Variants in LAS1L observed in about 807,000 individuals in gnomAD.
LAS1L encodes the protein ribosomal biogenesis protein LAS1L.
Under a neutral mutation model 57.3 loss-of-function variants are expected in LAS1L, and 5 were observed. The observed-to-expected ratio is 0.09, with a 90% confidence interval of 0.05 to 0.18. The LOEUF (loss-of-function observed/expected upper bound fraction) is 0.18. Among genes scored for constraint, LAS1L ranks in the 10% least tolerant of loss-of-function variants. The probability of loss-of-function intolerance (pLI) is 1.00; values close to 1 mark genes in which losing one functional copy is unlikely to be tolerated. For missense variants in LAS1L, 360 were observed against 568.3 expected (o/e 0.63, Z 3.73); for synonymous variants, 245 against 231.7 (o/e 1.06, Z -0.52).
Position 65,518,291 on chromosome X carries a change from T to C in LAS1L, c.1623A>G (p.Pro541=). ...TLDSLYWSVK[P]ASSSFGSEAK... The stretch of plus-strand genomic sequence containing the variant: ...CTTCAGACCCGAAGCTGGAGCTGGC[T>C]GGCTTGACGCTCCAATACAGGCTGT... Residue 541 remains proline, a synonymous_variant, in exon 12 of 14, where the codon CCA becomes CCG. Transcript: ENST00000374811. 1 of 1,212,185 alleles carries C rather than the reference T, an allele frequency of 8.2e-7. No homozygotes were observed.
In LAS1L at chrX:65,529,189, C is replaced by G. The variant is rs56399692; in HGVS notation, c.846+23G>C. 3 of 1,184,012 alleles carry G rather than the reference C, an allele frequency of 2.5e-6. No individual in the cohort carries two copies. In the Admixed American group the frequency reaches 6.5e-5, roughly 26 times the overall value. ...AATGGCTGGGGCAGATGAGAGCACA[C>G]CAAGTCCAGGGCACTTTCTTACCGT... is the stretch of plus-strand genomic sequence containing the variant. On this transcript the variant is annotated intron_variant, in intron 6 of 13. Transcript: ENST00000374811.
intron 11 of LAS1L, among the ~76,000 whole-genome samples, chrX:65,519,806 G>C (rs1181411681): frequency 9.0e-6 from 1 of 111,099 alleles, no homozygotes; most frequent in Admixed American, 9.6e-5. Context: ...CACATATGCA[G>C]GGTGACTGGT....
At chrX:65,515,951 G>A (rs770990887) in intron 12 of LAS1L, among the ~76,000 whole-genome samples, 1 of 111,780 alleles carries the variant, frequency 8.9e-6, no homozygotes, top group Admixed American at 9.4e-5. Flanking sequence ...CCTCTCTGTC[G>A]TATCACTGAG....
intron 10 of LAS1L, 64 bp from the exon 11 acceptor site, chrX:65,523,771 C>A (rs1163669608): frequency 1.8e-6 from 2 of 1,098,352 alleles, no homozygotes; most frequent in Non-Finnish European, 2.4e-6. Flanking sequence ...CATTTCACCT[C>A]AGAAAGTTTG....
chrX:65,527,472 G>C (rs752816188), intron 7 of LAS1L, among the ~76,000 whole-genome samples: 3 of 110,919 alleles, frequency 2.7e-5, no homozygotes, highest in Admixed American at 9.7e-5. Flanking sequence ...GCGAGGTTGA[G>C]GCTGTAGTTA....
chrX:65,525,532 C>T (rs758471100), intron 7 of LAS1L, among the ~76,000 whole-genome samples: 1 of 109,790 alleles, frequency 9.1e-6, no homozygotes, highest in Non-Finnish European at 1.9e-5. Flanking sequence ...ACCTTGGGGA[C>T]CCAACTGCTA....
At position 65,524,214 on chromosome X, in the gene LAS1L, A is replaced by T; in HGVS notation, c.1142T>A (p.Phe381Tyr). ...CAGGCCCCTGAGCAGGGGCTGCCAG[A>T]ACTGAGAGAACGGCTTTGGCACCAG... is the stretch of plus-strand genomic sequence containing the variant. ...DVLVPKPFSQ[F>Y]WQPLLRGLHS... Residue 381 changes from phenylalanine (F) to tyrosine (Y), a missense_variant, in exon 10 of 14, where the codon TTC becomes TAC. Phe to Tyr is a conservative substitution (Grantham distance 22). Coordinates refer to ENST00000374811, the MANE Select transcript of LAS1L (RefSeq NM_031206.7). The T allele has an allele frequency of 8.3e-7, 1 of 1,210,996 alleles. No individual in the cohort carries two copies.
In LAS1L at chrX:65,517,969, G is replaced by A. The variant is rs1243811853; in HGVS notation, c.1927+18C>T. On this transcript the variant is annotated intron_variant, in intron 12 of 13. Transcript: ENST00000374811. Reference sequence around the variant, plus strand: ...CCAAAGAGAAAAGAAGTCCATGTGGGGACAAAGTAGTTCTTACCTGAGCTA... The same window carrying A: ...CCAAAGAGAAAAGAAGTCCATGTGGAGACAAAGTAGTTCTTACCTGAGCTA... The A allele has an allele frequency of 1.7e-6, 2 of 1,169,679 alleles. No individual in the cohort carries two copies. The highest frequency in any genetic ancestry group is 2.3e-6 in the Non-Finnish European group (2 of 877,823).
rs2747381 is a variant in LAS1L at position 65,519,577 on chromosome X, C to A, written c.1449-1112G>T. Among the ~76,000 whole-genome samples, 5 of 111,913 alleles carry A rather than the reference C, an allele frequency of 4.5e-5. No homozygotes were observed. In the East Asian group the frequency reaches 8.5e-4, roughly 19 times the overall value. On this transcript the variant is annotated intron_variant, in intron 11 of 13. Transcript: ENST00000374811. ...GGTCAGGCAGAGTTAAAGATGATGA[C>A]ACTGTGCACACAAAAGACGGCGCCA...
intron 7 of LAS1L, among the ~76,000 whole-genome samples, chrX:65,527,210 CAAAAAAAAAAAAAAAAAAAAAAAA>C (rs869258564): frequency 1.0e-3 from 11 of 11,002 alleles, no homozygotes; most frequent in Non-Finnish European, 1.9e-3. Context: ...AACTCTGTCT[CAAAAAAAAAAAAAAAAAAAAAAAA>C]AAAAAAAAAA....
At position 65,529,598 on chromosome X, in the gene LAS1L, T is replaced by C; in HGVS notation, c.795A>G (p.Leu265=). 8.3e-7 allele frequency: 1 copy of C among 1,210,730 alleles called. No individual in the cohort carries two copies. ...HCKKALSHKE[L]YERARELLVS... is the part of the protein sequence containing the mutation. ...TCTGCCCTCCAAAACACCTACCATA[T>C]AGCTCTTTATGACTCAGGGCCTTTT... Residue 265 remains leucine, a synonymous_variant, in exon 5 of 14, where the codon CTA becomes CTG. Transcript: ENST00000374811.
chrX:65,529,676 A>G lies in LAS1L; in HGVS notation c.717T>C (p.Asp239=), dbSNP rs767354996. The part of the protein sequence containing the change: ...PQDDGKSTES[D]VKADGDSKGS... ...CTTTGCTGTCTCCATCGGCCTTTAC[A>G]TCTGACTCCGTACTTTTCCCATCAT... Residue 239 remains aspartate, a synonymous_variant, in exon 5 of 14, where the codon GAT becomes GAC. Transcript: ENST00000374811. The G allele has an allele frequency of 4.7e-5, 57 of 1,209,548 alleles. No homozygotes were observed. The highest frequency in any genetic ancestry group is 6.3e-5 in the Non-Finnish European group (56 of 895,083).
intron 11 of LAS1L, chrX:65,520,730 G>T: frequency 2.7e-6 from 2 of 754,454 alleles, no homozygotes; most frequent in Non-Finnish European, 3.1e-6. Flanking sequence ...CTGCCGGCAT[G>T]TGTCGCATCC....
Position 65,517,087 on chromosome X carries a change from G to A in LAS1L, c.1927+900C>T, listed in dbSNP as rs1294061575. Among the ~76,000 whole-genome samples the A allele has an allele frequency of 4.5e-5, 5 of 110,881 alleles. No individual in the cohort carries two copies. In the Admixed American group the frequency reaches 4.8e-4, roughly 11 times the overall value. On this transcript the variant is annotated intron_variant, in intron 12 of 13. Coordinates refer to ENST00000374811, the MANE Select transcript of LAS1L (RefSeq NM_031206.7). ...CCTAAGCAAGGGTACTCAAAAGGAA[G>A]AGCAGATCCCTATCACTAACCCTCC... is the stretch of plus-strand genomic sequence containing the variant.
intron 1 of LAS1L, among the ~76,000 whole-genome samples, chrX:65,534,032 G>C (rs971490622): frequency 2.7e-5 from 3 of 111,469 alleles, no homozygotes; most frequent in African/African-American, 9.8e-5. Context: ...AGCTAGAGGA[G>C]CCCCTTATCC....
At chrX:65,519,536 G>C (rs1024004097) in intron 11 of LAS1L, among the ~76,000 whole-genome samples, 12 of 111,868 alleles carry the variant, frequency 1.1e-4, no homozygotes, top group Non-Finnish European at 1.9e-4. Context: ...AGCAGGGCTT[G>C]GTGACTGATG....
chrX:65,528,375 A>G lies in LAS1L; in HGVS notation c.847-6T>C, dbSNP rs2069280282. 1 of 1,101,628 alleles carries G rather than the reference A, an allele frequency of 9.1e-7. No individual in the cohort carries two copies. Among genetic ancestry groups the G allele is most frequent in the African/African-American group, 1.8e-5 (1 of 54,600 alleles). The allele number at this position is 1,101,628 out of a possible 1,213,427, so 90.8% of individuals were successfully genotyped here. A position where few individuals can be genotyped will look rare whatever the true frequency, so the allele number is the denominator to read the frequency against. On this transcript the variant is annotated splice_region_variant and splice_polypyrimidine_tract_variant and intron_variant, in intron 6 of 13. Coordinates refer to ENST00000374811, the MANE Select transcript of LAS1L (RefSeq NM_031206.7). Reference sequence around the variant, plus strand: ...TACCTAAATTTCTCCAGCACCTGCCAGCAAAGAGGGTCCCATCAGAAGGCT... The same window carrying G: ...TACCTAAATTTCTCCAGCACCTGCCGGCAAAGAGGGTCCCATCAGAAGGCT...
chrX:65,520,445 T>C, intron 11 of LAS1L: 1 of 754,092 alleles, frequency 1.3e-6, no homozygotes, highest in Non-Finnish European at 1.6e-6. Context: ...TCCAATAGTA[T>C]CTTTTATTTT....
intron 11 of LAS1L, chrX:65,521,392 T>C: frequency 6.8e-6 from 3 of 441,566 alleles, no homozygotes; most frequent in Non-Finnish European, 8.5e-6. Flanking sequence ...ACAGCTGATG[T>C]AGAGTCCTTG....
Sources: gnomAD v4.1 joint callset for allele counts (sites outside exome capture counted in the v4.1 genomes callset) on GRCh38, gnomAD v4.1.1 for gene constraint, MANE v1.5 for transcripts, NCBI Gene and HGNC (gene_info 2026-07-23, HGNC 2026-07-21) for gene names.